Variants in MYO5B observed in about 807,000 individuals in gnomAD.
MYO5B encodes unconventional myosin-Vb.
A neutral mutation model predicts 229.3 loss-of-function variants in MYO5B; 143 were observed. The ratio of observed to expected loss-of-function variants is 0.62; its 90% CI spans 0.54 to 0.72. The LOEUF (loss-of-function observed/expected upper bound fraction) is 0.72. Among genes scored for constraint, MYO5B ranks in the 30% least tolerant of loss-of-function variants. The probability of loss-of-function intolerance (pLI) is 0.00; values close to 1 mark genes in which losing one functional copy is unlikely to be tolerated. For missense variants in MYO5B, 2,321 were observed against 2,331.0 expected, an observed-to-expected ratio of 1.00 and a Z score of 0.09; for synonymous variants, 918 against 885.2, an observed-to-expected ratio of 1.04 and a Z score of -0.66.
At chr18:49,872,365 A>C in intron 26 of MYO5B, 133 bp from the exon 27 acceptor site, 1 of 845,898 alleles carries the variant, frequency 1.2e-6, no homozygotes, top group South Asian at 1.3e-5. Flanking sequence ...CCACAAGTCC[A>C]CTTCCTTCCC....
At chr18:49,911,797 C>A (rs915735820) in intron 18 of MYO5B, among the ~76,000 whole-genome samples, 1 of 152,152 alleles carries the variant, frequency 6.6e-6, no homozygotes, top group African/African-American at 2.4e-5. Context: ...AGACTCCCTG[C>A]AGCTGGTGCC....
intron 10 of MYO5B, among the ~76,000 whole-genome samples, chr18:49,970,396 C>T (rs8082855): frequency 0.012 from 1,759 of 152,156 alleles, 29 homozygotes; most frequent in African/African-American, 0.036. Context: ...TCAGAAAAGC[C>T]TTGGGGAAGG....
In MYO5B at chr18:49,878,980, A is replaced by G. The variant is rs769324963; in HGVS notation, c.3241T>C (p.Tyr1081His). The G allele has an allele frequency of 1.2e-6, 2 of 1,614,160 alleles. No homozygotes were observed. The highest frequency in any genetic ancestry group is 2.2e-5 in the South Asian group (2 of 91,078). Residue 1081 changes from tyrosine to histidine, a missense_variant, in exon 24 of 40, where the codon TAC becomes CAC. Coordinates refer to ENST00000285039, the MANE Select transcript of MYO5B (RefSeq NM_001080467.3). ...GTCATTTCATCCCGAAGGTTGTCGT[A>G]TCTCTGCTCCAACTGTGAATATTCC... ...VKEYSQLEQR[Y>H]DNLRDEMTII...
At chr18:49,863,541 T>C (rs1194501402) in intron 28 of MYO5B, among the ~76,000 whole-genome samples, 3 of 152,076 alleles carry the variant, frequency 2.0e-5, no homozygotes, top group Non-Finnish European at 4.4e-5. Context: ...CAGAGCTGCA[T>C]GTGGGGCGGT....
intron 1 of MYO5B, among the ~76,000 whole-genome samples, chr18:50,122,442 A>T (rs990233508): frequency 7.0e-6 from 1 of 142,842 alleles, no homozygotes; most frequent in African/African-American, 2.6e-5. Flanking sequence ...TCTCAACTAA[A>T]AAAAAAAAAA....
chr18:50,057,785 C>T (rs1464963027), intron 1 of MYO5B, among the ~76,000 whole-genome samples: 2 of 152,170 alleles, frequency 1.3e-5, no homozygotes, highest in African/African-American at 4.8e-5. Flanking sequence ...CCTTGCTCCT[C>T]CAGGTGAGGA....
intron 1 of MYO5B, among the ~76,000 whole-genome samples, chr18:50,169,761 A>AG (rs2032900080): frequency 7.8e-6 from 1 of 127,726 alleles, no homozygotes; most frequent in Non-Finnish European, 1.7e-5. Flanking sequence ...TTACTCTTGC[A>AG]ATTTTCCTGA....
At chr18:50,041,654 T>C (rs1461556058) in intron 2 of MYO5B, among the ~76,000 whole-genome samples, 1 of 152,120 alleles carries the variant, frequency 6.6e-6, no homozygotes, top group African/African-American at 2.4e-5. Flanking sequence ...CAAAATAAGT[T>C]TAGATAGAAC....
intron 19 of MYO5B, among the ~76,000 whole-genome samples, chr18:49,905,097 A>G (rs188290538): frequency 5.9e-5 from 9 of 152,220 alleles, no homozygotes; most frequent in Non-Finnish European, 1.2e-4. Flanking sequence ...GACTTCCTCT[A>G]TGATCCTTAT....
chr18:49,926,771 A>C (rs150882768), intron 17 of MYO5B, among the ~76,000 whole-genome samples: 1 of 152,354 alleles, frequency 6.6e-6, no homozygotes, highest in African/African-American at 2.4e-5. Context: ...CAAAAGTTAA[A>C]GGAGTCTATT....
chr18:49,971,835 G>A (rs954466933), intron 10 of MYO5B, among the ~76,000 whole-genome samples: 3 of 152,172 alleles, frequency 2.0e-5, no homozygotes, highest in African/African-American at 7.2e-5. Flanking sequence ...CTACAGAGGA[G>A]TAACTGTGCA....
chr18:49,891,059 G>A (rs1348888418), intron 22 of MYO5B, among the ~76,000 whole-genome samples: 5 of 152,106 alleles, frequency 3.3e-5, no homozygotes, highest in Non-Finnish European at 4.4e-5. Flanking sequence ...TCAAGGCCGC[G>A]CTTGAAGTCA....
Position 49,847,126 on chromosome 18 carries a change from G to T in MYO5B, c.4459+20C>A. On this transcript the variant is annotated intron_variant, in intron 33 of 39. Coordinates refer to ENST00000285039, the MANE Select transcript of MYO5B (RefSeq NM_001080467.3). ...CTGAAGGAGGGGCAGGCAGCATAGG[G>T]TGGCACAGAGGGTCCTTACCTGTCA... 1 of 1,613,930 alleles carries T rather than the reference G, an allele frequency of 6.2e-7. No individual in the cohort carries two copies. Among genetic ancestry groups the T allele is most frequent in the Non-Finnish European group, 8.5e-7 (1 of 1,179,986 alleles).
intron 1 of MYO5B, among the ~76,000 whole-genome samples, chr18:50,095,803 A>G (rs1469365514): frequency 6.6e-6 from 1 of 152,228 alleles, no homozygotes; most frequent in Non-Finnish European, 1.5e-5. Context: ...ACACTCCCAT[A>G]TGGGTCATGC....
intron 1 of MYO5B, among the ~76,000 whole-genome samples, chr18:50,089,390 A>C (rs1016015082): frequency 3.9e-5 from 6 of 152,080 alleles, no homozygotes; most frequent in African/African-American, 1.2e-4. Context: ...AAAAGGAAAA[A>C]AAAAGTTATA....
chr18:49,848,031 T>C (rs1004926370), intron 32 of MYO5B, among the ~76,000 whole-genome samples: 2 of 152,214 alleles, frequency 1.3e-5, no homozygotes, highest in Admixed American at 6.5e-5. Context: ...CCTCACACCA[T>C]GGTAGAGGGA....
chr18:50,009,031 T>C (rs2026133448), intron 4 of MYO5B, among the ~76,000 whole-genome samples: 1 of 152,120 alleles, frequency 6.6e-6, no homozygotes, highest in African/African-American at 2.4e-5. Context: ...GAAGACAGGG[T>C]AGAAAAATAC....
intron 8 of MYO5B, among the ~76,000 whole-genome samples, chr18:49,984,115 T>C (rs938066730): frequency 1.3e-5 from 2 of 152,204 alleles, no homozygotes; most frequent in African/African-American, 4.8e-5. Flanking sequence ...CCTTCTACTT[T>C]ACCGCTTCTC....
chr18:50,038,851 T>G (rs1291421710), intron 3 of MYO5B, among the ~76,000 whole-genome samples: 1 of 152,192 alleles, frequency 6.6e-6, no homozygotes. Context: ...CTTTTTGAAG[T>G]AAATATCTTA....
Sources: allele counts gnomAD v4.1 joint callset (sites outside exome capture counted in the v4.1 genomes callset), GRCh38; gene constraint gnomAD v4.1.1; transcripts MANE v1.5; gene names NCBI Gene and HGNC (gene_info 2026-07-23, HGNC 2026-07-21).